Variants in PHACTR1 observed in about 807,000 individuals in gnomAD.
PHACTR1 encodes RPEL repeat containing 1.
Under a neutral mutation model 69.2 loss-of-function variants are expected in PHACTR1, and 16 were observed. The observed-to-expected ratio is 0.23, with a 90% confidence interval of 0.16 to 0.35. The LOEUF (loss-of-function observed/expected upper bound fraction) is 0.35. Among genes scored for constraint, PHACTR1 ranks in the 10% least tolerant of loss-of-function variants. The probability of loss-of-function intolerance (pLI) is 1.00; values close to 1 mark genes in which losing one functional copy is unlikely to be tolerated. For synonymous variants in PHACTR1, 312 were observed against 284.5 expected (o/e 1.10, Z -0.97); for missense variants, 510 against 734.7 (o/e 0.69, Z 3.54).
intron 5 of PHACTR1, among the ~76,000 whole-genome samples, chr6:13,132,481 T>C (rs577903486): frequency 6.6e-6 from 1 of 152,322 alleles, no homozygotes; most frequent in South Asian, 2.1e-4. Context: ...AGATGCTTAC[T>C]AAGTGTCTAT....
intron 4 of PHACTR1, among the ~76,000 whole-genome samples, chr6:12,949,234 A>T (rs1017848759): frequency 5.3e-5 from 8 of 150,096 alleles, no homozygotes; most frequent in African/African-American, 2.0e-4. Flanking sequence ...ATGCCATTGC[A>T]CTGCAGCCTG....
At chr6:12,810,688 C>T (rs548056548) in intron 4 of PHACTR1, among the ~76,000 whole-genome samples, 1 of 152,338 alleles carries the variant, frequency 6.6e-6, no homozygotes, top group Non-Finnish European at 1.5e-5. Context: ...GTGCCCTGCT[C>T]ATAGCTGAGG....
intron 4 of PHACTR1, among the ~76,000 whole-genome samples, chr6:13,005,799 C>T (rs1216918560): frequency 6.6e-6 from 1 of 152,178 alleles, no homozygotes; most frequent in Non-Finnish European, 1.5e-5. Flanking sequence ...CTTTAATACA[C>T]CAGTGACATC....
At chr6:13,182,445 G>A in intron 6 of PHACTR1, 74 bp from the exon 7 acceptor site, 1 of 1,496,712 alleles carries the variant, frequency 6.7e-7, no homozygotes, top group Admixed American at 1.7e-5. Flanking sequence ...TCTAGACTCA[G>A]CAGGCGGGAA....
At chr6:12,867,965 G>A (rs1278892793) in intron 4 of PHACTR1, among the ~76,000 whole-genome samples, 1 of 152,104 alleles carries the variant, frequency 6.6e-6, no homozygotes, top group East Asian at 1.9e-4. Context: ...GGAATAAGAA[G>A]TTCAGGTGCT....
intron 5 of PHACTR1, among the ~76,000 whole-genome samples, chr6:13,133,590 C>T (rs1384754087): frequency 6.6e-6 from 1 of 152,174 alleles, no homozygotes; most frequent in Admixed American, 6.5e-5. Context: ...GTCTCGCTCA[C>T]TCAGTGCTCA....
At chr6:13,273,188 T>C in intron 11 of PHACTR1, 1 of 436,244 alleles carries the variant, frequency 2.3e-6, no homozygotes, top group Non-Finnish European at 4.1e-6. Context: ...GCTGAAAAAT[T>C]AGAGTGAGAC....
At chr6:12,969,634 C>T (rs560648980) in intron 4 of PHACTR1, among the ~76,000 whole-genome samples, 1 of 151,988 alleles carries the variant, frequency 6.6e-6, no homozygotes, top group Admixed American at 6.6e-5. Context: ...AATCTTGCAC[C>T]AAAAAAATAT....
intron 4 of PHACTR1, among the ~76,000 whole-genome samples, chr6:13,013,542 CA>C (rs1799686411): frequency 1.3e-5 from 2 of 152,212 alleles, no homozygotes; most frequent in Admixed American, 6.5e-5. Flanking sequence ...GCTTCAAACC[CA>C]GCAGGCTCTC....
chr6:12,898,191 C>A (rs1271684182), intron 4 of PHACTR1, among the ~76,000 whole-genome samples: 1 of 151,990 alleles, frequency 6.6e-6, no homozygotes, highest in South Asian at 2.1e-4. Flanking sequence ...TTTGCCACTT[C>A]TCCTTCCTTT....
At position 13,152,328 on chromosome 6, in the gene PHACTR1, C is replaced by T. The variant is rs979349711; in HGVS notation, c.416-7876C>T. ...CAGCCTGGGCAACAGAGCAAGACTC[C>T]GTCTCAAAAAAAAAAAAATTCATCA... On this transcript the variant is annotated intron_variant, in intron 5 of 14. Coordinates refer to ENST00000332995, the MANE Select transcript of PHACTR1 (RefSeq NM_030948.6). 6.6e-5 allele frequency among the ~76,000 whole-genome samples: 10 copies of T among 150,910 alleles called. No homozygotes were observed. In the South Asian group the frequency reaches 1.5e-3, roughly 22 times the overall value.
At chr6:13,194,800 T>A (rs928281863) in intron 7 of PHACTR1, among the ~76,000 whole-genome samples, 19 of 152,188 alleles carry the variant, frequency 1.2e-4, no homozygotes, top group Non-Finnish European at 1.9e-4. Context: ...AATTTTTTTT[T>A]AAATTTAATG....
rs1787479262 is a variant in PHACTR1, at chr6:12,920,148, T to C, written c.251-133217T>C. On this transcript the variant is annotated intron_variant, in intron 4 of 14. Transcript: ENST00000332995. ...TTACTGTTAACAGATAAATATCTGC[T>C]CAAATTTGCTGAAAGTTTCCAAATA... is the stretch of plus-strand genomic sequence containing the variant. Among the ~76,000 whole-genome samples the C allele has an allele frequency of 3.3e-5, 5 of 152,210 alleles. No individual in the cohort carries two copies. In the South Asian group the frequency reaches 6.2e-4, roughly 19 times the overall value.
intron 4 of PHACTR1, among the ~76,000 whole-genome samples, chr6:12,847,520 A>G (rs944811535): frequency 6.6e-6 from 1 of 152,126 alleles, no homozygotes; most frequent in Non-Finnish European, 1.5e-5. Context: ...AATCCAACAC[A>G]TTTGGTTATT....
chr6:12,976,058 A>G (rs1025045364), intron 4 of PHACTR1, among the ~76,000 whole-genome samples: 1 of 152,230 alleles, frequency 6.6e-6, no homozygotes, highest in Non-Finnish European at 1.5e-5. Context: ...CTGAGAACTC[A>G]ACTTGCCAAC....
chr6:12,769,710 G>A (rs1396218245), intron 4 of PHACTR1, among the ~76,000 whole-genome samples: 1 of 152,200 alleles, frequency 6.6e-6, no homozygotes, highest in Non-Finnish European at 1.5e-5. Flanking sequence ...TAGCGACTCA[G>A]CACCTGCTGG....
At chr6:13,003,970 TATATATATACAC>T (rs1459404477) in intron 4 of PHACTR1, among the ~76,000 whole-genome samples, 1 of 131,710 alleles carries the variant, frequency 7.6e-6, no homozygotes, top group African/African-American at 3.2e-5. Context: ...TATATGTATA[TATATATATACAC>T]ATATATATAT....
chr6:12,968,232 A>G (rs1793733235), intron 4 of PHACTR1, among the ~76,000 whole-genome samples: 1 of 152,178 alleles, frequency 6.6e-6, no homozygotes, highest in Non-Finnish European at 1.5e-5. Context: ...TAACTTCTCT[A>G]CTGAAATCAT....
rs928863874 is a variant in PHACTR1 at position 12,749,703 on chromosome 6, A to G, written c.163A>G (p.Ile55Val). Residue 55 changes from isoleucine to valine, a missense_variant, in exon 4 of 15, where the codon ATA becomes GTA. Around this residue, in one of 2 missense-constraint regions of PHACTR1, gnomAD observed 419 missense variants for 530.9 expected, o/e 0.79. Transcript: ENST00000332995. ...TLMAASSEDDIDRRPIRRVRS... is the reference protein window; with the variant it reads ...TLMAASSEDDVDRRPIRRVRS... ...AATGGCGGCATCCTCGGAGGATGAT[A>G]TAGACCGGCGGCCCATCCGGAGAGT... The G allele has an allele frequency of 6.2e-6, 10 of 1,611,704 alleles. No homozygotes were observed. The highest frequency in any genetic ancestry group is 6.8e-6 in the Non-Finnish European group (8 of 1,179,350).
Sources: gnomAD v4.1 joint callset for allele counts (sites outside exome capture counted in the v4.1 genomes callset) on GRCh38, gnomAD v4.1.1 for gene constraint, gnomAD v4.1.1 regional missense constraint, MANE v1.5 for transcripts, NCBI Gene and HGNC (gene_info 2026-07-23, HGNC 2026-07-21) for gene names.